Variants in LRCH2 observed in about 807,000 individuals in gnomAD.
LRCH2 encodes the protein leucine-rich repeat and calponin homology domain-containing protein 2.
A neutral mutation model predicts 68.9 loss-of-function variants in LRCH2; 38 were observed. That is an observed-to-expected ratio of 0.55 (90% CI 0.43 to 0.72). The LOEUF is 0.72. LRCH2 is among the 30% of genes least tolerant of loss of function. LRCH2 has a pLI of 0.00. For synonymous variants in LRCH2, 191 were observed against 208.1 expected, an observed-to-expected ratio of 0.92 and a Z score of 0.71; for missense variants, 528 against 572.9, an observed-to-expected ratio of 0.92 and a Z score of 0.80.
rs2147336477 is a variant in LRCH2 at position 115,113,198 on chromosome X, G to T, written c.*18C>A. ...TCAAATAAATGAAACTATACACTTA[G>T]AATTTTAAAATGTTATATTAAGCCA... On this transcript the variant is annotated 3_prime_UTR_variant, in exon 21 of 21. Coordinates refer to ENST00000317135, the MANE Select transcript of LRCH2 (RefSeq NM_020871.4). 8.6e-7 allele frequency: 1 copy of T among 1,161,234 alleles called. No homozygotes were observed. The highest frequency in any genetic ancestry group is 1.2e-6 in the Non-Finnish European group (1 of 867,045).
At chrX:115,188,489 T>C in intron 1 of LRCH2, 119 bp from the exon 2 acceptor site, 1 of 483,968 alleles carries the variant, frequency 2.1e-6, no homozygotes, top group Non-Finnish European at 3.1e-6. Flanking sequence ...CTTTAAAATA[T>C]ACAATATTAT....
At chrX:115,190,793 C>G in intron 1 of LRCH2, 1 of 1,164,288 alleles carries the variant, frequency 8.6e-7, no homozygotes. Context: ...TCCGACGACG[C>G]CTACAGTGGG....
chrX:115,145,979 T>C (rs1467174871), intron 14 of LRCH2, among the ~76,000 whole-genome samples: 3 of 112,179 alleles, frequency 2.7e-5, no homozygotes, highest in Non-Finnish European at 1.9e-5. Flanking sequence ...CAAAGAGATA[T>C]CTGCACTTCC....
chrX:115,224,392 AAAG>A (rs782396956), intron 1 of LRCH2, among the ~76,000 whole-genome samples: 11 of 111,714 alleles, frequency 9.8e-5, no homozygotes, highest in Non-Finnish European at 1.9e-4. Context: ...GTTAAAAAGA[AAAG>A]AAGTAGGCCA....
intron 14 of LRCH2, among the ~76,000 whole-genome samples, chrX:115,142,084 T>C (rs1030955012): frequency 1.8e-5 from 2 of 111,185 alleles, no homozygotes; most frequent in Non-Finnish European, 3.8e-5. Flanking sequence ...CATTATATAA[T>C]GAAAAAGGGG....
Position 115,149,902 on chromosome X carries a change from C to A in LRCH2, c.1620G>T (p.Trp540Cys). ...NQKDQIDEQP[W>C]PESHPIIWQS... ...GCCAGATTATAGGGTGAGATTCTGG[C>A]CACGGTTGTTCATCTATTTGATCCT... The change falls in exon 14 of 21, where the codon TGG becomes TGT. Residue 540 changes from tryptophan (W) to cysteine (C), a missense_variant. Trp to Cys is a radical substitution (Grantham distance 215). Transcript: ENST00000317135. The A allele has an allele frequency of 8.3e-7, 1 of 1,204,796 alleles. No individual in the cohort carries two copies. Among genetic ancestry groups the A allele is most frequent in the Non-Finnish European group, 1.1e-6 (1 of 891,209 alleles).
chrX:115,192,731 T>G (rs1296103251), intron 1 of LRCH2: 2 of 930,082 alleles, frequency 2.2e-6, no homozygotes, highest in Non-Finnish European at 3.0e-6. Context: ...AGGACTAGTA[T>G]AAGTAGGAGT....
chrX:115,211,853 T>C (rs1340591909), intron 1 of LRCH2, among the ~76,000 whole-genome samples: 1 of 112,392 alleles, frequency 8.9e-6, no homozygotes, highest in Non-Finnish European at 1.9e-5. Context: ...AACACCATTA[T>C]AAAGCCCTCA....
chrX:115,176,936 G>A (rs1222248876), intron 5 of LRCH2, among the ~76,000 whole-genome samples: 1 of 106,652 alleles, frequency 9.4e-6, no homozygotes, highest in Non-Finnish European at 1.9e-5. Context: ...TAGTAGAGAC[G>A]GGGTTTCACC....
At chrX:115,122,452 C>T in intron 20 of LRCH2, 75 bp downstream of exon 20, 1 of 839,109 alleles carries the variant, frequency 1.2e-6, no homozygotes, top group Admixed American at 2.5e-5. Flanking sequence ...TTATTCATTG[C>T]TCTAAGAAGA....
chrX:115,189,859 TG>T, intron 1 of LRCH2: 1 of 1,166,445 alleles, frequency 8.6e-7, no homozygotes. Flanking sequence ...TTTCGACCTG[TG>T]GCCCTACAGG....
At chrX:115,233,599 C>T in intron 1 of LRCH2, 94 bp downstream of exon 1, 2 of 937,641 alleles carry the variant, frequency 2.1e-6, no homozygotes, top group East Asian at 3.5e-5. Context: ...GCGCACCCGC[C>T]CAGACCCGCA....
intron 1 of LRCH2, among the ~76,000 whole-genome samples, chrX:115,222,247 A>G (rs782623335): frequency 2.7e-5 from 3 of 112,228 alleles, no homozygotes; most frequent in Admixed American, 1.9e-4. Context: ...ATAGAAGGGA[A>G]TTTCTTCCAC....
Position 115,113,187 on chromosome X carries a change from C to A in LRCH2, c.*29G>T. 1.8e-6 allele frequency: 2 copies of A among 1,128,569 alleles called. No homozygotes were observed. Among genetic ancestry groups the A allele is most frequent in the Non-Finnish European group, 2.4e-6 (2 of 843,130 alleles). The allele number at this position is 1,128,569 out of a possible 1,213,427, so 93.0% of individuals were successfully genotyped here. A position where few individuals can be genotyped will look rare whatever the true frequency, so the allele number is the denominator to read the frequency against. Reference sequence around the variant, plus strand: ...TTGAAATCACTTCAAATAAATGAAACTATACACTTAGAATTTTAAAATGTT... The same window carrying A: ...TTGAAATCACTTCAAATAAATGAAAATATACACTTAGAATTTTAAAATGTT... On this transcript the variant is annotated 3_prime_UTR_variant, in exon 21 of 21. Coordinates refer to ENST00000317135, the MANE Select transcript of LRCH2 (RefSeq NM_020871.4).
Position 115,113,017 on chromosome X carries a change from TAA to T in LRCH2, c.*197_*198del. On this transcript the variant is annotated 3_prime_UTR_variant, in exon 21 of 21. Transcript: ENST00000317135. ...ATTTGAGTTTATCAAATACTCTTAT[TAA>T]GTTAATCCAGTTTTCCCCCAAAGAA... 1 of 289,064 alleles carries T rather than the reference TAA, an allele frequency of 3.5e-6. No homozygotes were observed. The highest frequency in any genetic ancestry group is 5.2e-5 in the East Asian group (1 of 19,069). The allele number at this position is 289,064 out of a possible 1,213,427, so 23.8% of individuals were successfully genotyped here.
intron 1 of LRCH2, among the ~76,000 whole-genome samples, chrX:115,229,474 T>C (rs1403915056): frequency 8.9e-6 from 1 of 112,024 alleles, no homozygotes. Flanking sequence ...GCTGTATAAA[T>C]GGTATTATCT....
chrX:115,162,812 A>G (rs1482182971), intron 11 of LRCH2, among the ~76,000 whole-genome samples: 3 of 111,797 alleles, frequency 2.7e-5, no homozygotes, highest in Non-Finnish European at 5.6e-5. Flanking sequence ...ATTATTTTGA[A>G]TAAATGAAAT....
chrX:115,153,329 A>T (rs1176093034), intron 12 of LRCH2, among the ~76,000 whole-genome samples: 1 of 109,443 alleles, frequency 9.1e-6, no homozygotes, highest in Admixed American at 9.9e-5. Context: ...GTTTAAAAAA[A>T]AAAAATTTAA....
chrX:115,165,382 AT>A (rs2072550180), intron 10 of LRCH2, 22 bp downstream of exon 10: 2 of 1,044,480 alleles, frequency 1.9e-6, no homozygotes, highest in Non-Finnish European at 2.6e-6. Flanking sequence ...TATAAATAAC[AT>A]TTCATTTTCA....
Sources: allele counts gnomAD v4.1 joint callset (sites outside exome capture counted in the v4.1 genomes callset), GRCh38; gene constraint gnomAD v4.1.1; transcripts MANE v1.5; gene names NCBI Gene and HGNC (gene_info 2026-07-23, HGNC 2026-07-21).